The following ANKHD1 variants were observed in gnomAD, a reference collection of about 807,000 sequenced individuals.
The protein encoded by ANKHD1 is ankyrin repeat and KH domain-containing protein 1.
A neutral mutation model predicts 230.5 loss-of-function variants in ANKHD1; 31 were observed. The ratio of observed to expected loss-of-function variants is 0.13; its 90% confidence interval spans 0.10 to 0.18. The LOEUF (loss-of-function observed/expected upper bound fraction) is 0.18. Ranked by LOEUF, ANKHD1 falls within the 10% of genes least tolerant of loss-of-function variation. The probability of loss-of-function intolerance (pLI) is 1.00; values close to 1 mark genes in which losing one functional copy is unlikely to be tolerated. For synonymous variants in ANKHD1, 1,074 were observed against 1,117.6 expected (o/e 0.96, Z 0.78); for missense variants, 2,256 against 3,071.3 (o/e 0.73, Z 6.27).
intron 1 of ANKHD1, among the ~76,000 whole-genome samples, chr5:140,402,991 G>A (rs1429477177): frequency 8.6e-5 from 1 of 11,628 alleles, no homozygotes; most frequent in Non-Finnish European, 2.0e-4. Flanking sequence ...TTTTTTTTTT[G>A]AGATGGAGTT....
intron 7 of ANKHD1, among the ~76,000 whole-genome samples, chr5:140,450,142 A>G (rs948882962): frequency 6.6e-6 from 1 of 152,214 alleles, no homozygotes; most frequent in Non-Finnish European, 1.5e-5. Context: ...ATTTAATGGC[A>G]AGAAAATTAC....
intron 32 of ANKHD1, 35 bp downstream of exon 32, chr5:140,538,296 A>G (rs776160839): frequency 2.5e-6 from 4 of 1,606,814 alleles, no homozygotes; most frequent in Non-Finnish European, 3.4e-6. Flanking sequence ...CTTGATTGAC[A>G]CTTTGTCAGC....
At position 140,436,271 on chromosome 5, in the gene ANKHD1, T is replaced by C; in HGVS notation, c.460+14T>C. 2 of 1,529,516 alleles carry C rather than the reference T, an allele frequency of 1.3e-6. No homozygotes were observed. The highest frequency in any genetic ancestry group is 2.6e-5 in the South Asian group (2 of 77,352). The allele number at this position is 1,529,516 out of a possible 1,614,324, so 94.7% of individuals were successfully genotyped here. A position where few individuals can be genotyped will look rare whatever the true frequency, so the allele number is the denominator to read the frequency against. On this transcript the variant is annotated intron_variant, in intron 2 of 33. Transcript: ENST00000360839. Reference sequence around the variant, plus strand: ...TAGAAGCAGCAGGTACTTTATTTTTTGTTTTATCTTTTTCATATCTTTAAA... The same window carrying C: ...TAGAAGCAGCAGGTACTTTATTTTTCGTTTTATCTTTTTCATATCTTTAAA...
Position 140,539,015 on chromosome 5 carries a change from C to T in ANKHD1, c.7501C>T (p.Pro2501Ser), listed in dbSNP as rs145182659. 3.1e-6 allele frequency: 5 copies of T among 1,613,472 alleles called. No homozygotes were observed. The East Asian group carries it at 1.1e-4, about 36-fold the overall frequency. Residue 2501 changes from proline to serine, a missense_variant, in exon 33 of 34, where the codon CCA becomes TCA. By Grantham distance (74) the Pro-to-Ser change is moderately conservative. Transcript: ENST00000360839. Reference protein sequence around the residue: ...GGPLFNGLHNPDPAWNPMIKV... With the variant: ...GGPLFNGLHNSDPAWNPMIKV... The stretch of plus-strand genomic sequence containing the variant: ...CCCTCTGTTTAATGGACTTCACAAT[C>T]CAGATCCTGCTTGGAACCCTATGAT...
At chr5:140,433,103 GT>G (rs1272225465) in intron 1 of ANKHD1, among the ~76,000 whole-genome samples, 1 of 149,602 alleles carries the variant, frequency 6.7e-6, no homozygotes, top group Non-Finnish European at 1.5e-5. Flanking sequence ...TAGTCTTGCC[GT>G]GTTCCCCAGG....
At chr5:140,427,726 C>T (rs1772630571) in intron 1 of ANKHD1, among the ~76,000 whole-genome samples, 1 of 145,308 alleles carries the variant, frequency 6.9e-6, no homozygotes, top group Admixed American at 6.7e-5. Flanking sequence ...GGCGGCCGGG[C>T]AGAGGCGCCC....
At chr5:140,439,524 G>A (rs10463284) in intron 3 of ANKHD1, among the ~76,000 whole-genome samples, 29,577 of 151,942 alleles carry the variant, frequency 0.19, 3,347 homozygotes, top group East Asian at 0.27. Flanking sequence ...ACAAAAATTA[G>A]CCAGCTGTGG....
intron 1 of ANKHD1, among the ~76,000 whole-genome samples, chr5:140,408,049 C>T (rs1561673890): frequency 6.6e-6 from 1 of 151,940 alleles, no homozygotes; most frequent in Admixed American, 6.6e-5. Context: ...TGGTGGCAGG[C>T]GCCTGTAATC....
chr5:140,415,425 C>T (rs995334230), intron 1 of ANKHD1, among the ~76,000 whole-genome samples: 21 of 149,824 alleles, frequency 1.4e-4, no homozygotes, highest in African/African-American at 3.4e-4. Context: ...TTTAAATTTA[C>T]GCCTTTGATA....
intron 15 of ANKHD1, among the ~76,000 whole-genome samples, chr5:140,502,312 C>T (rs2127046806): frequency 6.6e-6 from 1 of 152,208 alleles, no homozygotes; most frequent in Admixed American, 6.5e-5. Context: ...ATGTTTCTGA[C>T]TGTCATTATT....
chr5:140,504,924 A>G lies in ANKHD1; in HGVS notation c.3108A>G (p.Gln1036=), dbSNP rs374674237. 4.1e-5 allele frequency: 66 copies of G among 1,614,038 alleles called. No individual in the cohort carries two copies. The highest frequency in any genetic ancestry group is 2.3e-4 in the African/African-American group (17 of 74,920). The change falls in exon 16 of 34, where the codon CAA becomes CAG. Residue 1036 remains glutamine, a synonymous_variant. Coordinates refer to ENST00000360839, the MANE Select transcript of ANKHD1 (RefSeq NM_017747.3). The stretch of plus-strand genomic sequence containing the variant: ...AGACTACAAGCAATGTGGCTTCCCA[A>G]TCGATGCCTCCTGTGTATCCTTCAG... The part of the protein sequence containing the change: ...CSQTTSNVAS[Q]SMPPVYPSVD...
At chr5:140,471,529 A>G (rs1182419158) in intron 10 of ANKHD1, among the ~76,000 whole-genome samples, 1 of 152,212 alleles carries the variant, frequency 6.6e-6, no homozygotes, top group African/African-American at 2.4e-5. Context: ...TCTATACCAT[A>G]GGAGCATGCA....
At chr5:140,477,423 A>G (rs1751029126) in intron 10 of ANKHD1, among the ~76,000 whole-genome samples, 2 of 152,138 alleles carry the variant, frequency 1.3e-5, no homozygotes, top group South Asian at 2.1e-4. Context: ...TCCAGTAAAT[A>G]TACTTTATAT....
In ANKHD1 at chr5:140,504,851, A is replaced by G; in HGVS notation, c.3035A>G (p.Asn1012Ser). The G allele has an allele frequency of 1.2e-6, 2 of 1,613,930 alleles. No homozygotes were observed. Among genetic ancestry groups the G allele is most frequent in the Non-Finnish European group, 1.7e-6 (2 of 1,179,958 alleles). ...AGTACCAGAGTGCCCACTGGTTCCA[A>G]CAGTTCTTCTCAGACCACAGAGTGT... ...AVSTRVPTGS[N>S]SSSQTTECLT... Residue 1012 changes from asparagine (N) to serine (S), a missense_variant, in exon 16 of 34, where the codon AAC becomes AGC. Around this residue, in one of 13 missense-constraint regions of ANKHD1, gnomAD observed 358 missense variants for 397.7 expected, o/e 0.90. Transcript: ENST00000360839.
intron 1 of ANKHD1, among the ~76,000 whole-genome samples, chr5:140,431,532 T>C (rs991457920): frequency 2.0e-5 from 3 of 152,240 alleles, no homozygotes; most frequent in African/African-American, 4.8e-5. Context: ...TTACCTTCAT[T>C]ACCTCATTTC....
rs1491397308 is a variant in ANKHD1, at chr5:140,419,791, T to TC, written c.307-16313_307-16312insC. 3.0e-4 allele frequency among the ~76,000 whole-genome samples: 17 copies of TC among 57,116 alleles called. 1 individual carries two copies. The highest frequency in any genetic ancestry group is 9.6e-3 in the Middle Eastern group (1 of 104). The allele number at this position is 57,116 out of a possible 152,430, so 37.5% of individuals were successfully genotyped here. On this transcript the variant is annotated intron_variant, in intron 1 of 33. Coordinates refer to ENST00000360839, the MANE Select transcript of ANKHD1 (RefSeq NM_017747.3). Reference sequence around the variant, plus strand: ...TCCTTTCTTTTTCTTTCTTTCTTTCTTTCTTTCTTTCTTTCTTTCTTTCTT... The same window carrying TC: ...TCCTTTCTTTTTCTTTCTTTCTTTCTCTTCTTTCTTTCTTTCTTTCTTTCTT...
chr5:140,422,938 C>T (rs1314822961), intron 1 of ANKHD1, among the ~76,000 whole-genome samples: 1 of 151,628 alleles, frequency 6.6e-6, no homozygotes, highest in African/African-American at 2.4e-5. Flanking sequence ...TGCAGTGGTG[C>T]GATCATGGCT....
intron 17 of ANKHD1, 126 bp from the exon 18 acceptor site, chr5:140,505,598 G>C (rs1310541178): frequency 1.5e-6 from 2 of 1,370,504 alleles, no homozygotes; most frequent in African/African-American, 3.0e-5. Context: ...GCAGTTTTAT[G>C]TTAACTCATT....
intron 1 of ANKHD1, among the ~76,000 whole-genome samples, chr5:140,423,953 G>C (rs1281047116): frequency 6.6e-6 from 1 of 152,104 alleles, no homozygotes; most frequent in Non-Finnish European, 1.5e-5. Context: ...CTCCCATGCT[G>C]TCTTGTCATT....
Sources: gnomAD v4.1 joint callset for allele counts (sites outside exome capture counted in the v4.1 genomes callset) on GRCh38, gnomAD v4.1.1 for gene constraint, gnomAD v4.1.1 regional missense constraint, MANE v1.5 for transcripts, NCBI Gene and HGNC (gene_info 2026-07-23, HGNC 2026-07-21) for gene names.